Variants in TMEM108 observed in about 807,000 individuals in gnomAD.
TMEM108 encodes transmembrane protein 108.
A neutral mutation model predicts 35.1 loss-of-function variants in TMEM108; 12 were observed. The observed-to-expected ratio is 0.34, with a 90% confidence interval of 0.22 to 0.55. The LOEUF is 0.55. TMEM108 is among the 20% of genes least tolerant of loss of function. The pLI is 0.89. For missense variants in TMEM108, 680 were observed against 753.3 expected (o/e 0.90, Z 1.14); for synonymous variants, 287 against 308.6 (o/e 0.93, Z 0.73).
At chr3:133,138,244 C>T (rs1944592599) in intron 2 of TMEM108, among the ~76,000 whole-genome samples, 1 of 152,134 alleles carries the variant, frequency 6.6e-6, no homozygotes, top group Admixed American at 6.5e-5. Flanking sequence ...CAAGCAATGA[C>T]CATTTACAGA....
intron 3 of TMEM108, among the ~76,000 whole-genome samples, chr3:133,239,701 G>A (rs1946286611): frequency 6.6e-6 from 1 of 152,208 alleles, no homozygotes; most frequent in South Asian, 2.1e-4. Flanking sequence ...TAGTGCTGAA[G>A]CTTTGGTCCA....
intron 3 of TMEM108, chr3:133,248,583 G>A (rs921234867): frequency 6.6e-6 from 1 of 152,062 alleles, no homozygotes; most frequent in African/African-American, 2.4e-5. Flanking sequence ...TGGTCTTTTT[G>A]TTTCTCCCCT....
At chr3:133,231,028 C>G (rs372003589) in intron 3 of TMEM108, among the ~76,000 whole-genome samples, 7 of 152,280 alleles carry the variant, frequency 4.6e-5, no homozygotes, top group African/African-American at 1.4e-4. Context: ...CTAAACCACC[C>G]TGATTACTGA....
intron 2 of TMEM108, among the ~76,000 whole-genome samples, chr3:133,151,580 CGAG>C (rs1413348853): frequency 6.6e-6 from 1 of 151,798 alleles, no homozygotes; most frequent in African/African-American, 2.4e-5. Flanking sequence ...AGGAGGAACT[CGAG>C]GGGAAAATCA....
At chr3:133,167,731 C>A (rs989157741) in intron 2 of TMEM108, among the ~76,000 whole-genome samples, 1 of 152,188 alleles carries the variant, frequency 6.6e-6, no homozygotes, top group Non-Finnish European at 1.5e-5. Context: ...TTGCGCTGGC[C>A]CGTGAGCACC....
rs2107869399 is a variant in TMEM108 at position 133,397,558 on chromosome 3, C to T, written c.*1572C>T. On this transcript the variant is annotated 3_prime_UTR_variant, in exon 6 of 6. Transcript: ENST00000321871. ...GCGTGTTGTTGTCTTACCTTTTTAA[C>T]CTTACCATAATATTTCTGTTAACTG... The T allele has an allele frequency of 6.6e-6, 1 of 152,218 alleles. No homozygotes were observed. Among genetic ancestry groups the T allele is most frequent in the South Asian group, 2.1e-4 (1 of 4,814 alleles). The allele number at this position is 152,218 out of a possible 1,614,324, so 9.4% of individuals were successfully genotyped here.
intron 2 of TMEM108, among the ~76,000 whole-genome samples, chr3:133,085,498 TCC>T (rs1163623082): frequency 6.6e-6 from 1 of 152,180 alleles, no homozygotes; most frequent in Non-Finnish European, 1.5e-5. Flanking sequence ...TATAAGGATT[TCC>T]CCTTTCACTT....
At chr3:133,316,278 C>CA (rs1197465989) in intron 3 of TMEM108, among the ~76,000 whole-genome samples, 1 of 152,176 alleles carries the variant, frequency 6.6e-6, no homozygotes, top group Non-Finnish European at 1.5e-5. Flanking sequence ...TATGGGCACT[C>CA]AGTTTGTTTC....
chr3:133,132,732 G>T (rs1944507538), intron 2 of TMEM108, among the ~76,000 whole-genome samples: 1 of 152,066 alleles, frequency 6.6e-6, no homozygotes, highest in Admixed American at 6.6e-5. Flanking sequence ...AATTGCCATA[G>T]ATAGTGATTC....
intron 1 of TMEM108, among the ~76,000 whole-genome samples, chr3:133,043,923 G>C (rs1470578029): frequency 6.6e-6 from 1 of 152,150 alleles, no homozygotes; most frequent in African/African-American, 2.4e-5. Flanking sequence ...CTGGGAGTTT[G>C]TATGTATTGG....
intron 2 of TMEM108, among the ~76,000 whole-genome samples, chr3:133,087,250 G>T (rs576391415): frequency 8.5e-5 from 13 of 152,126 alleles, no homozygotes; most frequent in African/African-American, 3.1e-4. Flanking sequence ...GAAAGCCTTG[G>T]TGAGTTCTAA....
intron 3 of TMEM108, among the ~76,000 whole-genome samples, chr3:133,334,797 T>C (rs2071460974): frequency 1.3e-5 from 2 of 152,362 alleles, no homozygotes; most frequent in Middle Eastern, 3.4e-3. Flanking sequence ...ATTTTAGGCA[T>C]AACTGATACA....
At chr3:133,086,326 A>G (rs1266776381) in intron 2 of TMEM108, among the ~76,000 whole-genome samples, 1 of 151,864 alleles carries the variant, frequency 6.6e-6, no homozygotes, top group Non-Finnish European at 1.5e-5. Context: ...TGCCATCTGT[A>G]AAGTGAAGCA....
chr3:133,050,006 A>G (rs974701105), intron 2 of TMEM108, among the ~76,000 whole-genome samples: 1 of 152,206 alleles, frequency 6.6e-6, no homozygotes, highest in African/African-American at 2.4e-5. Context: ...GGCAACATGG[A>G]AGAATTTTCA....
chr3:133,319,502 A>G (rs2071239458), intron 3 of TMEM108, among the ~76,000 whole-genome samples: 1 of 152,352 alleles, frequency 6.6e-6, no homozygotes. Context: ...ATTGCATGCA[A>G]CATTCTGGCT....
chr3:133,378,803 CTTTTTTT>C (rs34139600), intron 3 of TMEM108, among the ~76,000 whole-genome samples: 2 of 134,424 alleles, frequency 1.5e-5, no homozygotes, highest in South Asian at 2.5e-4. Context: ...ATACAAAATC[CTTTTTTT>C]TTTTTTTTTT....
chr3:133,098,267 A>G (rs1026414743), intron 2 of TMEM108, among the ~76,000 whole-genome samples: 1 of 152,188 alleles, frequency 6.6e-6, no homozygotes, highest in Non-Finnish European at 1.5e-5. Context: ...AGATAAACCA[A>G]TCAGATCTTG....
At chr3:133,067,118 A>G (rs1943617658) in intron 2 of TMEM108, among the ~76,000 whole-genome samples, 1 of 152,122 alleles carries the variant, frequency 6.6e-6, no homozygotes, top group Admixed American at 6.5e-5. Context: ...TTACATAGGC[A>G]TATATGTGTG....
intron 2 of TMEM108, among the ~76,000 whole-genome samples, chr3:133,164,831 G>A (rs1945013713): frequency 6.6e-6 from 1 of 151,810 alleles, no homozygotes; most frequent in Non-Finnish European, 1.5e-5. Flanking sequence ...CATTTTTATT[G>A]AAAAAAACAT....
Sources: allele counts gnomAD v4.1 joint callset (sites outside exome capture counted in the v4.1 genomes callset), GRCh38; gene constraint gnomAD v4.1.1; transcripts MANE v1.5; gene names NCBI Gene and HGNC (gene_info 2026-07-23, HGNC 2026-07-21).